The following CABLES1 variants were observed in gnomAD, a reference collection of about 807,000 sequenced individuals.
CABLES1 encodes Cdk5 and Abl enzyme substrate 1.
In CABLES1, 36 loss-of-function variants were observed where a neutral mutation model predicts 57.8. The ratio of observed to expected loss-of-function variants is 0.62; its 90% CI spans 0.48 to 0.82. The LOEUF is 0.82. Ranked by LOEUF, CABLES1 falls within the 40% of genes least tolerant of loss-of-function variation. CABLES1 has a pLI of 0.00. For missense variants in CABLES1, 767 were observed against 836.6 expected (o/e 0.92, Z 1.03); for synonymous variants, 374 against 363.0 (o/e 1.03, Z -0.35).
intron 1 of CABLES1, among the ~76,000 whole-genome samples, chr18:23,154,872 A>G (rs1224765789): frequency 2.0e-5 from 3 of 152,226 alleles, no homozygotes; most frequent in South Asian, 4.1e-4. Flanking sequence ...GGACACCTGT[A>G]CTGTTCAACA....
intron 1 of CABLES1, among the ~76,000 whole-genome samples, chr18:23,156,612 A>G (rs1315682150): frequency 2.0e-5 from 3 of 152,226 alleles, no homozygotes; most frequent in Non-Finnish European, 4.4e-5. Context: ...TCCGGAGGCA[A>G]ATACATGGGT....
chr18:23,182,521 C>T (rs1396423528), intron 1 of CABLES1, among the ~76,000 whole-genome samples: 1 of 152,206 alleles, frequency 6.6e-6, no homozygotes, highest in Non-Finnish European at 1.5e-5. Flanking sequence ...TGTCTAAAAC[C>T]CCGTTTATCC....
chr18:23,221,363 A>G (rs1048266864), intron 4 of CABLES1, among the ~76,000 whole-genome samples: 1 of 152,238 alleles, frequency 6.6e-6, no homozygotes, highest in Non-Finnish European at 1.5e-5. Flanking sequence ...TTAGGAATTC[A>G]AAGTCTTGCC....
chr18:23,220,746 C>T (rs921482321), intron 4 of CABLES1, among the ~76,000 whole-genome samples: 2 of 152,192 alleles, frequency 1.3e-5, no homozygotes, highest in African/African-American at 4.8e-5. Context: ...TGGGTTGTAG[C>T]TTTCAGAAGG....
At chr18:23,150,802 G>A (rs1165274487) in intron 1 of CABLES1, among the ~76,000 whole-genome samples, 1 of 152,044 alleles carries the variant, frequency 6.6e-6, no homozygotes, top group African/African-American at 2.4e-5. Flanking sequence ...CGAGAGATGG[G>A]ACGCAGGTTT....
chr18:23,231,920 C>T (rs1292109903), intron 4 of CABLES1, among the ~76,000 whole-genome samples: 1 of 151,982 alleles, frequency 6.6e-6, no homozygotes, highest in African/African-American at 2.4e-5. Context: ...AAGGCTGCCC[C>T]GGGGAAGCAG....
chr18:23,214,829 C>T (rs889692867), intron 4 of CABLES1: 1 of 152,276 alleles, frequency 6.6e-6, no homozygotes, highest in Non-Finnish European at 1.5e-5. Flanking sequence ...TGACCACTGT[C>T]CCAAGGAGGG....
chr18:23,169,881 G>A (rs988837439), intron 1 of CABLES1, among the ~76,000 whole-genome samples: 2 of 152,096 alleles, frequency 1.3e-5, no homozygotes, highest in African/African-American at 2.4e-5. Flanking sequence ...TGAAAACCTC[G>A]TGTTTCCCGT....
chr18:23,168,688 G>A (rs1030162572), intron 1 of CABLES1, among the ~76,000 whole-genome samples: 2 of 152,208 alleles, frequency 1.3e-5, no homozygotes, highest in Non-Finnish European at 2.9e-5. Flanking sequence ...TAGGGTGGAC[G>A]TGGAGCCTGG....
intron 1 of CABLES1, among the ~76,000 whole-genome samples, chr18:23,153,435 TA>T (rs1479607067): frequency 6.6e-6 from 1 of 151,564 alleles, no homozygotes; most frequent in Admixed American, 6.6e-5. Context: ...CACAACAATT[TA>T]AAAAAAATAG....
At chr18:23,177,005 CTG>C (rs1292070483) in intron 1 of CABLES1, among the ~76,000 whole-genome samples, 11 of 152,144 alleles carry the variant, frequency 7.2e-5, no homozygotes, top group African/African-American at 1.9e-4. Context: ...TCTCTCCTGA[CTG>C]TGGAGGAAGG....
At chr18:23,186,913 T>A (rs548895043) in intron 1 of CABLES1, among the ~76,000 whole-genome samples, 2 of 152,354 alleles carry the variant, frequency 1.3e-5, no homozygotes, top group Admixed American at 6.5e-5. Context: ...ACTCAGCACC[T>A]GGAGAGAGGC....
At chr18:23,156,769 A>C (rs772055540) in intron 1 of CABLES1, among the ~76,000 whole-genome samples, 1 of 152,156 alleles carries the variant, frequency 6.6e-6, no homozygotes, top group Admixed American at 6.5e-5. Context: ...ACATTCCTGA[A>C]TAAGGCTTCT....
rs146455473 is a variant in CABLES1 at position 23,142,721 on chromosome 18, G to A, written c.845+6114G>A. Among the ~76,000 whole-genome samples the A allele has an allele frequency of 6.6e-4, 100 of 152,306 alleles. 1 individual carries two copies. The highest frequency in any genetic ancestry group is 2.1e-3 in the African/African-American group (89 of 41,566). ...GAGGCATAAAACATGGTCCCTGTCT[G>A]TGCTGGGTGACATAAGTAAACGGGC... On this transcript the variant is annotated intron_variant, in intron 1 of 9. Coordinates refer to ENST00000256925, the MANE Select transcript of CABLES1 (RefSeq NM_001100619.3).
chr18:23,254,770 C>T (rs1013487902), intron 9 of CABLES1, among the ~76,000 whole-genome samples: 1 of 152,176 alleles, frequency 6.6e-6, no homozygotes, highest in Admixed American at 6.5e-5. Flanking sequence ...GGCTCTGAAT[C>T]CCTTCACTCC....
intron 1 of CABLES1, among the ~76,000 whole-genome samples, chr18:23,152,401 C>T (rs878975650): frequency 4.0e-5 from 6 of 151,740 alleles, no homozygotes; most frequent in Admixed American, 1.3e-4. Flanking sequence ...TGAATATTTA[C>T]GTATGGAGAT....
intron 3 of CABLES1, among the ~76,000 whole-genome samples, chr18:23,201,042 AGG>A (rs1254919956): frequency 6.6e-6 from 1 of 152,352 alleles, no homozygotes; most frequent in East Asian, 1.9e-4. Context: ...AGCTAAAAGC[AGG>A]GAGAGCAGAA....
chr18:23,138,796 C>T (rs2046839321), intron 1 of CABLES1, among the ~76,000 whole-genome samples: 1 of 152,188 alleles, frequency 6.6e-6, no homozygotes, highest in Non-Finnish European at 1.5e-5. Context: ...CACGGATGGT[C>T]TCCTGGGATG....
intron 1 of CABLES1, chr18:23,155,687 C>A: frequency 3.1e-6 from 2 of 637,742 alleles, no homozygotes; most frequent in Non-Finnish European, 5.0e-6. Flanking sequence ...TCTGGGGCGG[C>A]AGGACCTCAT....
Sources: allele counts gnomAD v4.1 joint callset (sites outside exome capture counted in the v4.1 genomes callset), GRCh38; gene constraint gnomAD v4.1.1; transcripts MANE v1.5; gene names NCBI Gene and HGNC (gene_info 2026-07-23, HGNC 2026-07-21).